DYNLL1: variants seen among roughly 807,000 people sequenced by gnomAD.
DYNLL1 encodes dynein light chain 1, cytoplasmic.
Under a neutral mutation model 10.1 loss-of-function variants are expected in DYNLL1, and 3 were observed. That is an observed-to-expected ratio of 0.30 (90% CI 0.14 to 0.77). The LOEUF is 0.77. Ranked by LOEUF, DYNLL1 falls within the 30% of genes least tolerant of loss-of-function variation. The pLI, the probability that DYNLL1 is intolerant of heterozygous loss-of-function variation, is 0.66. For missense variants in DYNLL1, 47 were observed against 111.7 expected (o/e 0.42, Z 2.61); for synonymous variants, 46 against 41.2 (o/e 1.12, Z -0.45).
chr12:120,481,260 ATCTGAGATCAACTGGACC>A (rs890125637), intron 1 of DYNLL1, among the ~76,000 whole-genome samples: 2 of 152,144 alleles, frequency 1.3e-5, no homozygotes, highest in Non-Finnish European at 2.9e-5. Flanking sequence ...TTGTTCAATT[ATCTGAGATCAACTGGACC>A]TCTGAAAATT....
upstream of DYNLL1, among the ~76,000 whole-genome samples, chr12:120,494,969 T>C (rs572166698): frequency 6.6e-6 from 1 of 152,354 alleles, no homozygotes; most frequent in Non-Finnish European, 1.5e-5. Flanking sequence ...TCATTGATCA[T>C]TTACTATGTG....
At chr12:120,479,089 G>A (rs1197704662) in intron 1 of DYNLL1, among the ~76,000 whole-genome samples, 10 of 150,642 alleles carry the variant, frequency 6.6e-5, no homozygotes, top group Non-Finnish European at 1.3e-4. Flanking sequence ...GCTTGAACCC[G>A]GGAAGCAGAG....
intron 1 of DYNLL1, among the ~76,000 whole-genome samples, chr12:120,482,601 C>T (rs1212943943): frequency 3.3e-5 from 5 of 151,892 alleles, no homozygotes; most frequent in Non-Finnish European, 4.4e-5. Flanking sequence ...GGATTACAGG[C>T]GTGAGCCACC....
At chr12:120,480,916 T>C (rs953806069) in intron 1 of DYNLL1, among the ~76,000 whole-genome samples, 7 of 151,950 alleles carry the variant, frequency 4.6e-5, no homozygotes, top group Non-Finnish European at 8.8e-5. Flanking sequence ...CCCGCCACCA[T>C]GCCCAGCTAA....
intron 1 of DYNLL1, among the ~76,000 whole-genome samples, chr12:120,471,580 C>G (rs1349006877): frequency 6.6e-6 from 1 of 151,858 alleles, no homozygotes; most frequent in East Asian, 1.9e-4. Context: ...TATACATATA[C>G]CCTTCGATCT....
chr12:120,494,152 A>G (rs560908407), upstream of DYNLL1, among the ~76,000 whole-genome samples: 1 of 152,126 alleles, frequency 6.6e-6, no homozygotes, highest in Non-Finnish European at 1.5e-5. Context: ...TTCTTCCTCA[A>G]GAGAGGTACT....
At chr12:120,477,208 T>A (rs546679716) in intron 1 of DYNLL1, among the ~76,000 whole-genome samples, 1 of 152,258 alleles carries the variant, frequency 6.6e-6, no homozygotes, top group Non-Finnish European at 1.5e-5. Flanking sequence ...GGATTACAGG[T>A]GTGAGTTACC....
Position 120,472,766 on chromosome 12 carries a change from C to T in DYNLL1, c.-7+2662C>T, listed in dbSNP as rs369852523. ...TCTCCAAAGGAGTTCAGTTACCCAGCAGAAAATGTAGGGATGTGGTTAGTA... is the reference window on the plus strand; with the variant it reads ...TCTCCAAAGGAGTTCAGTTACCCAGTAGAAAATGTAGGGATGTGGTTAGTA... On this transcript the variant is annotated intron_variant, in intron 1 of 2. Coordinates refer to the DYNLL1 transcript ENST00000392509. 7.9e-5 allele frequency among the ~76,000 whole-genome samples: 12 copies of T among 152,252 alleles called. No homozygotes were observed. The South Asian group carries it at 2.1e-3, about 26-fold the overall frequency.
chr12:120,488,282 G>A (rs565235352), intron 1 of DYNLL1: 103 of 152,340 alleles, frequency 6.8e-4, no homozygotes, highest in African/African-American at 2.4e-3. Flanking sequence ...TCAGGCCTTT[G>A]AACATGCTGT....
chr12:120,482,976 G>T (rs939535321), intron 1 of DYNLL1, among the ~76,000 whole-genome samples: 4 of 152,048 alleles, frequency 2.6e-5, no homozygotes, highest in African/African-American at 9.7e-5. Flanking sequence ...AGCTACTCGA[G>T]AGGCTGACGC....
At chr12:120,479,467 A>AT (rs2137059823) in intron 1 of DYNLL1, among the ~76,000 whole-genome samples, 84 of 122,434 alleles carry the variant, frequency 6.9e-4, no homozygotes, top group Non-Finnish European at 8.7e-4. Context: ...AAAAAAAAAA[A>AT]AAATAATAAT....
At chr12:120,497,269 C>G (rs1016595322) in intron 2 of DYNLL1, 6 of 153,208 alleles carry the variant, frequency 3.9e-5, no homozygotes, top group Admixed American at 3.9e-4. Flanking sequence ...TCCACAAACA[C>G]TTGTAAGAAT....
At chr12:120,497,760 G>GTAGTTTAT in intron 2 of DYNLL1, 2 of 270,254 alleles carry the variant, frequency 7.4e-6, no homozygotes, top group Non-Finnish European at 1.4e-5. Context: ...ACCTGTTGAT[G>GTAGTTTAT]TCACCGTCTG....
intron 1 of DYNLL1, among the ~76,000 whole-genome samples, chr12:120,477,544 A>G (rs1592997978): frequency 1.3e-5 from 2 of 152,124 alleles, no homozygotes; most frequent in East Asian, 3.9e-4. Flanking sequence ...TGAGCCCAGG[A>G]GTTCCAGACC....
intron 1 of DYNLL1, among the ~76,000 whole-genome samples, chr12:120,485,839 T>TAAAAAAAAAAAAAAAAAAAAAA (rs749971979): frequency 1.3e-5 from 1 of 76,244 alleles, no homozygotes; most frequent in Non-Finnish European, 2.4e-5. Flanking sequence ...AGTCCCTGTC[T>TAAAAAAAAAAAAAAAAAAAAAA]AAAAAAAAAA....
chr12:120,486,372 G>T (rs1405087070), intron 1 of DYNLL1, among the ~76,000 whole-genome samples: 1 of 152,104 alleles, frequency 6.6e-6, no homozygotes, highest in East Asian at 1.9e-4. Flanking sequence ...TGATAAGTTT[G>T]GGGGTACCAA....
chr12:120,483,515 T>C (rs1878929899), intron 1 of DYNLL1, among the ~76,000 whole-genome samples: 1 of 152,126 alleles, frequency 6.6e-6, no homozygotes, highest in Admixed American at 6.6e-5. Flanking sequence ...ATGCAGTGGC[T>C]ATTTACAGTG....
At chr12:120,487,296 TTTTTTTTTTTTTTTG>T (rs1879019239) in intron 1 of DYNLL1, among the ~76,000 whole-genome samples, 1 of 121,320 alleles carries the variant, frequency 8.2e-6, no homozygotes, top group African/African-American at 3.3e-5. Context: ...TTTTTTTTTT[TTTTTTTTTTTTTTTG>T]AGACGGACTC....
At chr12:120,494,559 A>G (rs1286102595), upstream of DYNLL1, among the ~76,000 whole-genome samples, 1 of 152,098 alleles carries the variant, frequency 6.6e-6, no homozygotes, top group Non-Finnish European at 1.5e-5. Context: ...TATAGGCATG[A>G]GCCACCGCAC....
Sources: allele counts gnomAD v4.1 joint callset (sites outside exome capture counted in the v4.1 genomes callset), GRCh38; gene constraint gnomAD v4.1.1; transcripts MANE v1.5; gene names NCBI Gene and HGNC (gene_info 2026-07-23, HGNC 2026-07-21).